FARS2: variants seen among roughly 807,000 people sequenced by gnomAD.
FARS2 encodes the protein phenylalanine--tRNA ligase, mitochondrial.
Under a neutral mutation model 46.4 loss-of-function variants are expected in FARS2, and 40 were observed. The ratio of observed to expected loss-of-function variants is 0.86; its 90% confidence interval spans 0.67 to 1.12. The LOEUF (loss-of-function observed/expected upper bound fraction) is 1.12, where lower values mean the gene tolerates loss of function less well. FARS2 is among the 50% of genes most tolerant of loss of function. The pLI is 0.00. For synonymous variants in FARS2, 234 were observed against 214.9 expected (o/e 1.09, Z -0.78); for missense variants, 513 against 567.9 (o/e 0.90, Z 0.98).
intron 6 of FARS2, among the ~76,000 whole-genome samples, chr6:5,645,357 A>G (rs1216973172): frequency 6.6e-6 from 1 of 152,220 alleles, no homozygotes; most frequent in Non-Finnish European, 1.5e-5. Flanking sequence ...TAGAGTCACA[A>G]GCAAAGTAAA....
intron 2 of FARS2, among the ~76,000 whole-genome samples, chr6:5,398,168 C>T (rs1000690043): frequency 5.3e-5 from 8 of 152,130 alleles, no homozygotes; most frequent in Admixed American, 5.2e-4. Flanking sequence ...AAATAGTTCT[C>T]ATAATATTTT....
intron 2 of FARS2, among the ~76,000 whole-genome samples, chr6:5,384,958 A>G (rs1253423191): frequency 1.3e-5 from 2 of 152,200 alleles, no homozygotes; most frequent in East Asian, 1.9e-4. Flanking sequence ...TTTTTGCAGT[A>G]TAGGGCTTTA....
chr6:5,597,957 T>G (rs1432965130), intron 5 of FARS2, among the ~76,000 whole-genome samples: 2 of 152,100 alleles, frequency 1.3e-5, no homozygotes, highest in African/African-American at 4.8e-5. Flanking sequence ...AATAATACAG[T>G]AGCTACCCAT....
At position 5,471,319 on chromosome 6, in the gene FARS2, G is replaced by A. The variant is rs1453409710; in HGVS notation, c.904+40147G>A. Among the ~76,000 whole-genome samples, 1 of 152,092 alleles carries A rather than the reference G, an allele frequency of 6.6e-6. No homozygotes were observed. Among genetic ancestry groups the A allele is most frequent in the African/African-American group, 2.4e-5 (1 of 41,406 alleles). On this transcript the variant is annotated intron_variant, in intron 4 of 6. Coordinates refer to ENST00000274680, the MANE Select transcript of FARS2 (RefSeq NM_006567.5). This position sits in a 1 kb window ranked among gnomAD's most constrained non-coding sequence, Gnocchi z 4.1. ...TCTTATTTTAATCTTGGGGAAACTG[G>A]GTATAAGAGGGAATTTCCTGAGACT...
intron 6 of FARS2, among the ~76,000 whole-genome samples, chr6:5,769,980 G>A (rs912767975): frequency 8.5e-5 from 13 of 152,148 alleles, no homozygotes; most frequent in African/African-American, 2.4e-4. Context: ...GGCAGACTAG[G>A]GAGGCCAGGA....
intron 1 of FARS2, among the ~76,000 whole-genome samples, chr6:5,286,258 C>T (rs1767103943): frequency 6.6e-6 from 1 of 152,000 alleles, no homozygotes; most frequent in Non-Finnish European, 1.5e-5. Context: ...ATCATAAGGG[C>T]ACTAAGTTTT....
rs148765972 is a variant in FARS2 at position 5,630,672 on chromosome 6, A to G, written c.1217+17352A>G. 1.4e-3 allele frequency among the ~76,000 whole-genome samples: 215 copies of G among 152,328 alleles called. 1 individual carries two copies. The Middle Eastern group carries it at 0.044, about 31-fold the overall frequency. On this transcript the variant is annotated intron_variant, in intron 6 of 6. Transcript: ENST00000274680. The surrounding 1 kb of genome is among the most constrained non-coding windows in gnomAD (Gnocchi z 4.2). The stretch of plus-strand genomic sequence containing the variant: ...TCGTATAGCTCACTTGAAGGGTGGG[A>G]TAAGATGGCTGAAAGCGCTCCTGTC...
At chr6:5,687,166 G>C (rs1471124739) in intron 6 of FARS2, among the ~76,000 whole-genome samples, 1 of 152,090 alleles carries the variant, frequency 6.6e-6, no homozygotes, top group Non-Finnish European at 1.5e-5. Context: ...CATTCTGATG[G>C]TAGTTTCTTT....
chr6:5,495,620 C>T (rs1044551582), intron 4 of FARS2, among the ~76,000 whole-genome samples: 8 of 152,180 alleles, frequency 5.3e-5, no homozygotes, highest in Admixed American at 1.3e-4. Context: ...TTTAAGCCTT[C>T]GGGTTTTCTG....
intron 1 of FARS2, among the ~76,000 whole-genome samples, chr6:5,365,416 G>A (rs1293421771): frequency 7.4e-6 from 1 of 135,508 alleles, no homozygotes; most frequent in African/African-American, 2.7e-5. Context: ...ACTGAAGCCT[G>A]AACTCCTGGG....
chr6:5,466,990 C>T, intron 4 of FARS2: 1 of 985,268 alleles, frequency 1.0e-6, no homozygotes, highest in Non-Finnish European at 1.2e-6. Flanking sequence ...TCAGTTCGTG[C>T]AACAGATGTC....
At chr6:5,654,665 A>T (rs900415075) in intron 6 of FARS2, among the ~76,000 whole-genome samples, 1 of 152,130 alleles carries the variant, frequency 6.6e-6, no homozygotes, top group Non-Finnish European at 1.5e-5. Flanking sequence ...GGAGCCCCAT[A>T]CACCACTGCA....
chr6:5,583,576 C>G (rs6941763), intron 5 of FARS2, among the ~76,000 whole-genome samples: 124,006 of 152,252 alleles, frequency 0.81, 50,562 homozygotes, highest in East Asian at 0.88. Context: ...CAATTAGAGT[C>G]GTTTGTTTGT....
chr6:5,644,331 G>A (rs917593846), intron 6 of FARS2, among the ~76,000 whole-genome samples: 12 of 152,004 alleles, frequency 7.9e-5, no homozygotes, highest in Admixed American at 1.3e-4. Context: ...TCCCATGTCA[G>A]CCTCCCAAGT....
At chr6:5,654,240 A>T (rs2150766654) in intron 6 of FARS2, among the ~76,000 whole-genome samples, 1 of 152,258 alleles carries the variant, frequency 6.6e-6, no homozygotes, top group Admixed American at 6.5e-5. Context: ...ATGGGACATA[A>T]CATCCTTTCT....
intron 3 of FARS2, among the ~76,000 whole-genome samples, chr6:5,419,621 A>G (rs1762431765): frequency 1.3e-5 from 2 of 152,074 alleles, no homozygotes; most frequent in Admixed American, 1.3e-4. Flanking sequence ...GATCCATCAG[A>G]TGTCTAGCAC....
chr6:5,506,349 G>T (rs927790536), intron 4 of FARS2, among the ~76,000 whole-genome samples: 5 of 152,184 alleles, frequency 3.3e-5, no homozygotes, highest in African/African-American at 1.2e-4. Flanking sequence ...AGAAAACAAG[G>T]CCAGCAGAAT....
chr6:5,770,809 G>A (rs960734087), intron 6 of FARS2, among the ~76,000 whole-genome samples: 12 of 152,290 alleles, frequency 7.9e-5, no homozygotes, highest in Middle Eastern at 3.4e-3. Flanking sequence ...CAGGGGTGCC[G>A]AGGGAGTGAG....
At chr6:5,350,169 A>ATTTT (rs57211565) in intron 1 of FARS2, among the ~76,000 whole-genome samples, 1 of 131,710 alleles carries the variant, frequency 7.6e-6, no homozygotes, top group African/African-American at 2.9e-5. Flanking sequence ...TGCCTGGCAA[A>ATTTT]TTTTTTTTTT....
Sources: gnomAD v4.1 joint callset for allele counts (sites outside exome capture counted in the v4.1 genomes callset) on GRCh38, gnomAD v4.1.1 for gene constraint, Gnocchi (gnomAD v3.1) non-coding constraint, MANE v1.5 for transcripts, NCBI Gene and HGNC (gene_info 2026-07-23, HGNC 2026-07-21) for gene names.